Variants in PAQR3 observed in about 807,000 individuals in gnomAD.
PAQR3 encodes the protein progestin and adipoQ receptor family member 3.
PAQR3 carries 39 observed loss-of-function variants against 41.7 expected under a neutral mutation model. The observed-to-expected ratio is 0.93, with a 90% confidence interval of 0.72 to 1.22. The LOEUF is 1.22. Ranked by LOEUF, PAQR3 falls within the 50% of genes most tolerant of loss-of-function variation. The pLI is 0.00. For synonymous variants in PAQR3, 140 were observed against 140.6 expected, an observed-to-expected ratio of 1.00 and a Z score of 0.03; for missense variants, 366 against 385.6, an observed-to-expected ratio of 0.95 and a Z score of 0.42.
In PAQR3 at chr4:78,920,280, C is replaced by T; in HGVS notation, c.*259G>A. 3 of 1,122,542 alleles carry T rather than the reference C, an allele frequency of 2.7e-6. No homozygotes were observed. Among genetic ancestry groups the T allele is most frequent in the African/African-American group, 3.2e-5 (2 of 61,830 alleles). 69.5% of individuals were successfully genotyped at this position (1,122,542 alleles called of 1,614,324 possible). ...ATTTCAACACTAGTTTCCCATTCAT[C>T]GTTGTTATTCAGATGTTTCTTATGA... is the stretch of plus-strand genomic sequence containing the variant. On this transcript the variant is annotated 3_prime_UTR_variant, in exon 6 of 6. Coordinates refer to ENST00000512733, the MANE Select transcript of PAQR3 (RefSeq NM_001040202.2).
chr4:78,924,910 A>G (rs773965786), intron 4 of PAQR3, among the ~76,000 whole-genome samples: 1 of 151,974 alleles, frequency 6.6e-6, no homozygotes, highest in Non-Finnish European at 1.5e-5. Context: ...GCCCTCCCTA[A>G]CTCCTATATT....
chr4:78,931,249 T>C (rs1390493722), intron 2 of PAQR3, among the ~76,000 whole-genome samples: 2 of 149,434 alleles, frequency 1.3e-5, no homozygotes, highest in Non-Finnish European at 3.0e-5. Context: ...TCCCAGCTAC[T>C]TGGGAGGCTA....
rs767179926 is a variant in PAQR3, at chr4:78,926,644, A to AT, written c.578dup (p.Asn193LysfsTer109). On this transcript the variant is annotated frameshift_variant, in exon 4 of 6. Coordinates refer to ENST00000512733, the MANE Select transcript of PAQR3 (RefSeq NM_001040202.2). LOFTEE classifies it high-confidence loss of function. ...GCCTTTGCCATTGCTGCGTGAGGTA[A>AT]TTGGGATGAATCTGCGCAAAGAACA... 1 of 1,614,058 alleles carries AT rather than the reference A, an allele frequency of 6.2e-7. No homozygotes were observed. The highest frequency in any genetic ancestry group is 1.1e-5 in the South Asian group (1 of 91,076).
Position 78,926,673 on chromosome 4 carries a change from C to T in PAQR3, c.550G>A (p.Ala184Thr), listed in dbSNP as rs777650950. The change falls in exon 4 of 6, where the codon GCA (alanine) becomes ACA (threonine). Residue 184 changes from alanine (A) to threonine (T), a missense_variant. By Grantham distance (58) the Ala-to-Thr change is moderately conservative. Coordinates refer to ENST00000512733, the MANE Select transcript of PAQR3 (RefSeq NM_001040202.2). Reference sequence around the variant, plus strand: ...GGATGAATCTGCGCAAAGAACACTGCCAGGATCATAGCAAGCACTGTGATC... The same window carrying T: ...GGATGAATCTGCGCAAAGAACACTGTCAGGATCATAGCAAGCACTGTGATC... ...YLITVLAMIL[A>T]VFFAQIHPNY... 2.5e-6 allele frequency: 4 copies of T among 1,613,954 alleles called. 1 individual carries two copies. The South Asian group carries it at 3.3e-5, about 13-fold the overall frequency.
rs373920760 is a variant in PAQR3, at chr4:78,926,710, A to G, written c.513T>C (p.Arg171=). 109 of 1,613,400 alleles carry G rather than the reference A, an allele frequency of 6.8e-5. No individual in the cohort carries two copies. The highest frequency in any genetic ancestry group is 9.0e-5 in the Non-Finnish European group (106 of 1,179,456). The change falls in exon 4 of 6, where the codon CGT becomes CGC. Residue 171 remains arginine, a synonymous_variant. Coordinates refer to ENST00000512733, the MANE Select transcript of PAQR3 (RefSeq NM_001040202.2). Reference sequence around the variant, plus strand: ...CAAGCACTGTGATCAAGTACACCTGACGCCAGTACTAGAATGAAAGGAAAT... The same window carrying G: ...CAAGCACTGTGATCAAGTACACCTGGCGCCAGTACTAGAATGAAAGGAAAT... ...FYAFYCNNYW[R]QVYLITVLAM... is the part of the protein sequence containing the mutation.
chr4:78,922,409 C>T (rs1029155009), intron 5 of PAQR3: 6 of 1,288,830 alleles, frequency 4.7e-6, no homozygotes, highest in Middle Eastern at 2.1e-4. Context: ...TCTGATTCAC[C>T]GTGGAAGTGA....
rs1016983628 is a variant in PAQR3 at position 78,915,152 on chromosome 4, G to A, written c.*5387C>T. 6 of 152,006 alleles carry A rather than the reference G, an allele frequency of 3.9e-5. No individual in the cohort carries two copies. Among genetic ancestry groups the A allele is most frequent in the East Asian group, 1.9e-4 (1 of 5,204 alleles). 9.4% of individuals were successfully genotyped at this position (152,006 alleles called of 1,614,324 possible). ...CCCTTACCCCAATCCCTGTGTACGT[G>A]TTGGGTATAGTTACGACATTATCCG... On this transcript the variant is annotated 3_prime_UTR_variant, in exon 6 of 6. Transcript: ENST00000512733.
At chr4:78,920,755 A>G in intron 5 of PAQR3, 74 bp from the exon 6 acceptor site, 1 of 1,469,778 alleles carries the variant, frequency 6.8e-7, no homozygotes. Context: ...ATTTCTTGGA[A>G]GTATAGCTTA....
downstream of PAQR3, chr4:78,911,019 T>G (rs1264038938): frequency 8.7e-6 from 14 of 1,613,800 alleles, no homozygotes; most frequent in Non-Finnish European, 1.1e-5. Context: ...GAGACAGATC[T>G]GGCAGTGGAC....
At chr4:78,930,438 C>T in intron 2 of PAQR3, 113 bp from the exon 3 acceptor site, 3 of 1,111,966 alleles carry the variant, frequency 2.7e-6, no homozygotes, top group Non-Finnish European at 3.7e-6. Flanking sequence ...CATTTATGGG[C>T]TTGGATTCTA....
chr4:78,911,548 C>T (rs748405540), downstream of PAQR3: 18 of 1,614,018 alleles, frequency 1.1e-5, no homozygotes, highest in Non-Finnish European at 1.4e-5. Flanking sequence ...TCATGGCACG[C>T]CAACTAGCAC....
intron 5 of PAQR3, 113 bp from the exon 6 acceptor site, chr4:78,920,794 C>T (rs1671891171): frequency 1.7e-6 from 2 of 1,151,970 alleles, no homozygotes; most frequent in South Asian, 4.0e-5. Flanking sequence ...TCTCAGAGTG[C>T]CTAGAGACTA....
At chr4:78,930,907 C>T (rs1736801392) in intron 2 of PAQR3, among the ~76,000 whole-genome samples, 1 of 148,594 alleles carries the variant, frequency 6.7e-6, no homozygotes, top group Admixed American at 6.7e-5. Context: ...TATATATATA[C>T]ACACACATTT....
chr4:78,908,804 G>C (rs901159332), downstream of PAQR3, among the ~76,000 whole-genome samples: 1 of 151,896 alleles, frequency 6.6e-6, no homozygotes, highest in African/African-American at 2.4e-5. Context: ...TACATTTATG[G>C]GGTACATGAG....
At position 78,919,285 on chromosome 4, in the gene PAQR3, G is replaced by A. The variant is rs1283826962; in HGVS notation, c.*1254C>T. ...CATGTCAACTCATGAAGAAACTTGG[G>A]TAATATTTTATACTCCAATAAACAA... On this transcript the variant is annotated 3_prime_UTR_variant, in exon 6 of 6. Transcript: ENST00000512733. 4.1e-6 allele frequency: 4 copies of A among 984,228 alleles called. No individual in the cohort carries two copies. Among genetic ancestry groups the A allele is most frequent in the Admixed American group, 1.2e-4 (2 of 16,160 alleles). 61.0% of individuals were successfully genotyped at this position (984,228 alleles called of 1,614,324 possible). A position where few individuals can be genotyped will look rare whatever the true frequency, so the allele number is the denominator to read the frequency against.
At chr4:78,909,478 G>A (rs1226064172), downstream of PAQR3, among the ~76,000 whole-genome samples, 1 of 152,076 alleles carries the variant, frequency 6.6e-6, no homozygotes, top group Non-Finnish European at 1.5e-5. Flanking sequence ...TGGCCTTAGA[G>A]GACCTTCACA....
At position 78,919,043 on chromosome 4, in the gene PAQR3, A is replaced by T. The variant is rs540055334; in HGVS notation, c.*1496T>A. On this transcript the variant is annotated 3_prime_UTR_variant, in exon 6 of 6. Coordinates refer to ENST00000512733, the MANE Select transcript of PAQR3 (RefSeq NM_001040202.2). ...TCCTGGGGGGAAATTCTCTTTGCTG[A>T]GATACTATACTAGCATGGGGAATTT... 1 of 984,990 alleles carries T rather than the reference A, an allele frequency of 1.0e-6. No homozygotes were observed. The allele number at this position is 984,990 out of a possible 1,614,324, so 61.0% of individuals were successfully genotyped here.
chr4:78,924,951 A>T (rs1485176822), intron 4 of PAQR3, among the ~76,000 whole-genome samples: 1 of 152,066 alleles, frequency 6.6e-6, no homozygotes, highest in Non-Finnish European at 1.5e-5. Flanking sequence ...GATTTCTCAA[A>T]CATTCTAGAA....
At position 78,914,826 on chromosome 4, in the gene PAQR3, T is replaced by TCAC. The variant is rs1734908815; in HGVS notation, c.*5710_*5712dup. On this transcript the variant is annotated 3_prime_UTR_variant, in exon 6 of 6. Transcript: ENST00000512733. ...TAACTAAACCTGTTATACTTGAACA[T>TCAC]CACTAAGAGAAGTAAATTATTATGA... The TCAC allele has an allele frequency of 6.6e-6, 1 of 151,716 alleles. No homozygotes were observed. The highest frequency in any genetic ancestry group is 2.4e-5 in the African/African-American group (1 of 41,334). The allele number at this position is 151,716 out of a possible 1,614,324, so 9.4% of individuals were successfully genotyped here. A position where few individuals can be genotyped will look rare whatever the true frequency, so the allele number is the denominator to read the frequency against.
Sources: allele counts gnomAD v4.1 joint callset (sites outside exome capture counted in the v4.1 genomes callset), GRCh38; gene constraint gnomAD v4.1.1; transcripts MANE v1.5; gene names NCBI Gene and HGNC (gene_info 2026-07-23, HGNC 2026-07-21).